CATSPERE: variants seen among roughly 807,000 people sequenced by gnomAD.
CATSPERE encodes catsper channel auxiliary subunit epsilon.
Under a neutral mutation model 114.1 loss-of-function variants are expected in CATSPERE, and 93 were observed. That is an observed-to-expected ratio of 0.81 (90% CI 0.69 to 0.97). CATSPERE has a LOEUF of 0.97. CATSPERE is among the 50% of genes least tolerant of loss of function. The probability of loss-of-function intolerance (pLI) is 0.00; values close to 1 mark genes in which losing one functional copy is unlikely to be tolerated. For synonymous variants in CATSPERE, 341 were observed against 384.1 expected (o/e 0.89, Z 1.31); for missense variants, 1,058 against 1,131.6 (o/e 0.93, Z 0.93).
rs1313051777 is a variant in CATSPERE at position 244,492,294 on chromosome 1, GC to G, written c.351+1824del. 3.3e-5 allele frequency among the ~76,000 whole-genome samples: 5 copies of G among 152,098 alleles called. No homozygotes were observed. In the East Asian group the frequency reaches 9.6e-4, roughly 29 times the overall value. The stretch of plus-strand genomic sequence containing the variant: ...GGGATGCAAGGCTGGTTCAACATAT[GC>G]AAATCAATAAATGTAATCCAGCATA... On this transcript the variant is annotated intron_variant, in intron 6 of 21. Transcript: ENST00000366534.
Position 244,640,043 on chromosome 1 carries a change from C to G in CATSPERE, c.2818C>G (p.Pro940Ala). 1 of 1,550,044 alleles carries G rather than the reference C, an allele frequency of 6.5e-7. No individual in the cohort carries two copies. Residue 940 changes from proline (P) to alanine (A), a missense_variant, in exon 22 of 22, where the codon CCA becomes GCA. Physicochemically the swap from Pro to Ala is conservative, Grantham distance 27. Around this residue, in one of 2 missense-constraint regions of CATSPERE, gnomAD observed 787 missense variants for 905.6 expected, o/e 0.87. Transcript: ENST00000366534. ...MRIYRRYIYE[P>A]LHKPQRKRKK... ...GATTTATAGACGATATATTTATGAA[C>G]CACTTCACAAACCTCAAAGAAAACG...
At chr1:244,515,120 G>C (rs879855819) in intron 7 of CATSPERE, among the ~76,000 whole-genome samples, 14 of 152,160 alleles carry the variant, frequency 9.2e-5, no homozygotes, top group Non-Finnish European at 2.1e-4. Context: ...ACAATGCTTA[G>C]CATGATGTAG....
intron 10 of CATSPERE, among the ~76,000 whole-genome samples, chr1:244,564,937 A>T (rs181524947): frequency 1.4e-4 from 21 of 152,234 alleles, no homozygotes; most frequent in African/African-American, 4.6e-4. Flanking sequence ...TACCTAGTTT[A>T]TTGAGAGTTT....
upstream of CATSPERE, chr1:244,452,007 G>A (rs916850141): frequency 1.3e-5 from 7 of 531,488 alleles, no homozygotes; most frequent in African/African-American, 4.0e-5. Flanking sequence ...GCTCAAGGGG[G>A]TACCATGACT....
intron 1 of CATSPERE, among the ~76,000 whole-genome samples, chr1:244,462,781 GT>G (rs1667016368): frequency 6.6e-6 from 1 of 152,132 alleles, no homozygotes; most frequent in South Asian, 2.1e-4. Flanking sequence ...AGAATTCAGA[GT>G]GCTATTAAGG....
intron 8 of CATSPERE, among the ~76,000 whole-genome samples, chr1:244,546,003 G>A (rs937390479): frequency 3.3e-5 from 5 of 152,214 alleles, no homozygotes; most frequent in Non-Finnish European, 5.9e-5. Context: ...GCACCAAAAA[G>A]TGGACAGCTA....
intron 11 of CATSPERE, 139 bp from the exon 12 acceptor site, chr1:244,581,657 C>G: frequency 1.9e-6 from 1 of 517,014 alleles, no homozygotes; most frequent in East Asian, 4.0e-5. Flanking sequence ...TTGTTGATTA[C>G]TTACACGTGA....
At chr1:244,467,125 A>C (rs1667727299) in intron 2 of CATSPERE, among the ~76,000 whole-genome samples, 1 of 152,180 alleles carries the variant, frequency 6.6e-6, no homozygotes, top group Non-Finnish European at 1.5e-5. Context: ...AGGAGTCTTT[A>C]GTTAATTTTT....
intron 6 of CATSPERE, among the ~76,000 whole-genome samples, chr1:244,494,394 T>C (rs1402276046): frequency 2.2e-5 from 3 of 137,274 alleles, no homozygotes; most frequent in Non-Finnish European, 4.6e-5. Context: ...TAGGTGGGAA[T>C]TGAACAATGA....
At chr1:244,595,707 G>A (rs935644941) in intron 17 of CATSPERE, among the ~76,000 whole-genome samples, 5 of 152,080 alleles carry the variant, frequency 3.3e-5, no homozygotes, top group African/African-American at 7.2e-5. Flanking sequence ...CGAGGCGGGC[G>A]GATCACGAGG....
intron 5 of CATSPERE, among the ~76,000 whole-genome samples, chr1:244,484,267 A>G (rs897037566): frequency 6.6e-6 from 1 of 152,340 alleles, no homozygotes; most frequent in African/African-American, 2.4e-5. Flanking sequence ...AACTTGATTT[A>G]TACATTCAAT....
intron 21 of CATSPERE, among the ~76,000 whole-genome samples, chr1:244,639,482 G>A (rs1675064615): frequency 6.6e-6 from 1 of 152,176 alleles, no homozygotes; most frequent in African/African-American, 2.4e-5. Flanking sequence ...TTGAGGTCAG[G>A]AGTTCGAGAC....
At chr1:244,556,536 G>A (rs1661604147) in intron 9 of CATSPERE, among the ~76,000 whole-genome samples, 1 of 151,984 alleles carries the variant, frequency 6.6e-6, no homozygotes, top group African/African-American at 2.4e-5. Flanking sequence ...TAAATATAAG[G>A]AGATAGGTGG....
intron 2 of CATSPERE, among the ~76,000 whole-genome samples, chr1:244,467,791 T>C (rs534526751): frequency 6.6e-6 from 1 of 152,342 alleles, no homozygotes; most frequent in South Asian, 2.1e-4. Flanking sequence ...GCATTGTGTC[T>C]ACATGTCAAC....
Position 244,461,374 on chromosome 1 carries a change from G to A in CATSPERE, c.-56G>A. ...CGCCGGGCCGACGTCCCACGGGAAT[G>A]CGCGAGGCCTGGACGGGAGTGGCCG... On this transcript the variant is annotated 5_prime_UTR_variant, in exon 1 of 22. It removes an upstream start codon present in the reference 5' UTR. Transcript: ENST00000366534. 7.7e-7 allele frequency: 1 copy of A among 1,293,904 alleles called. No homozygotes were observed. The highest frequency in any genetic ancestry group is 2.4e-5 in the South Asian group (1 of 41,252). 80.2% of individuals were successfully genotyped at this position (1,293,904 alleles called of 1,614,324 possible).
intron 8 of CATSPERE, among the ~76,000 whole-genome samples, chr1:244,545,477 A>G (rs886918612): frequency 1.3e-5 from 2 of 152,200 alleles, no homozygotes; most frequent in African/African-American, 4.8e-5. Flanking sequence ...GGGCCATTTG[A>G]TCTAGCAGAT....
intron 20 of CATSPERE, among the ~76,000 whole-genome samples, chr1:244,624,388 A>T (rs1672820876): frequency 1.3e-5 from 2 of 152,196 alleles, no homozygotes; most frequent in Admixed American, 1.3e-4. Flanking sequence ...GAACTTTCAA[A>T]ATTGGAGTCA....
intron 5 of CATSPERE, among the ~76,000 whole-genome samples, chr1:244,488,309 T>C (rs886327188): frequency 6.6e-6 from 1 of 152,240 alleles, no homozygotes; most frequent in Non-Finnish European, 1.5e-5. Context: ...ACTTTCTTTT[T>C]GAAACTCTTT....
At chr1:244,508,491 T>C (rs531542841) in intron 7 of CATSPERE, among the ~76,000 whole-genome samples, 63 of 151,618 alleles carry the variant, frequency 4.2e-4, no homozygotes, top group African/African-American at 5.3e-4. Context: ...TTAGTAGAGA[T>C]GGGGTTTCAC....
Sources: gnomAD v4.1 joint callset for allele counts (sites outside exome capture counted in the v4.1 genomes callset) on GRCh38, gnomAD v4.1.1 for gene constraint, gnomAD v4.1.1 regional missense constraint, MANE v1.5 for transcripts, NCBI Gene and HGNC (gene_info 2026-07-23, HGNC 2026-07-21) for gene names.